TAFA4: variants seen among roughly 807,000 people sequenced by gnomAD.
TAFA4 encodes chemokine-like protein TAFA-4.
A neutral mutation model predicts 21.1 loss-of-function variants in TAFA4; 20 were observed. That is an observed-to-expected ratio of 0.95 (90% CI 0.67 to 1.38). TAFA4 has a LOEUF of 1.38. TAFA4 is among the 40% of genes most tolerant of loss of function. The pLI is 0.00. For synonymous variants in TAFA4, 71 were observed against 67.4 expected (o/e 1.05, Z -0.26); for missense variants, 211 against 180.9 (o/e 1.17, Z -0.95).
chr3:68,767,006 A>C (rs1324772428), intron 3 of TAFA4, among the ~76,000 whole-genome samples: 2 of 152,184 alleles, frequency 1.3e-5, no homozygotes, highest in South Asian at 4.1e-4. Context: ...ATAAAGCATG[A>C]GACTTAGCAA....
chr3:68,909,613 G>C (rs761853401), intron 1 of TAFA4, among the ~76,000 whole-genome samples: 3 of 152,172 alleles, frequency 2.0e-5, no homozygotes, highest in South Asian at 2.1e-4. Context: ...GAAGATCCAG[G>C]CTCCACCAAA....
At chr3:68,847,616 C>A (rs1223157096) in intron 3 of TAFA4, among the ~76,000 whole-genome samples, 1 of 152,210 alleles carries the variant, frequency 6.6e-6, no homozygotes, top group Non-Finnish European at 1.5e-5. Flanking sequence ...TGCTTGAAAC[C>A]CAGGGCCCTG....
At chr3:68,747,652 G>A (rs549582608) in intron 4 of TAFA4, among the ~76,000 whole-genome samples, 7 of 152,162 alleles carry the variant, frequency 4.6e-5, no homozygotes, top group Admixed American at 6.5e-5. Context: ...ATGCATGCTC[G>A]CACACACAAA....
intron 3 of TAFA4, among the ~76,000 whole-genome samples, chr3:68,780,730 C>T (rs985462212): frequency 3.3e-5 from 5 of 152,106 alleles, no homozygotes; most frequent in Non-Finnish European, 7.4e-5. Context: ...AGCATGAAAA[C>T]AGACTAATAC....
At chr3:68,930,757 T>C (rs982605718) in intron 1 of TAFA4, among the ~76,000 whole-genome samples, 1 of 152,218 alleles carries the variant, frequency 6.6e-6, no homozygotes, top group South Asian at 2.1e-4. Context: ...GAGGAAGTGT[T>C]GGGCTTTCAC....
At chr3:68,771,470 G>C (rs557225943) in intron 3 of TAFA4, among the ~76,000 whole-genome samples, 1 of 152,186 alleles carries the variant, frequency 6.6e-6, no homozygotes, top group Non-Finnish European at 1.5e-5. Context: ...TGAGCAGCGG[G>C]GCACTGAAAA....
intron 3 of TAFA4, among the ~76,000 whole-genome samples, chr3:68,775,583 G>C (rs1265394545): frequency 2.6e-5 from 4 of 152,138 alleles, no homozygotes; most frequent in Non-Finnish European, 5.9e-5. Context: ...CAAAGAGAGA[G>C]ACTTCTTCCA....
intron 3 of TAFA4, 138 bp from the exon 4 acceptor site, chr3:68,753,156 T>G: frequency 1.3e-6 from 1 of 772,230 alleles, no homozygotes; most frequent in Non-Finnish European, 2.0e-6. Flanking sequence ...TTTATTTTGA[T>G]AACATATTAT....
intron 3 of TAFA4, among the ~76,000 whole-genome samples, chr3:68,793,479 C>T (rs998937829): frequency 2.6e-5 from 4 of 152,242 alleles, no homozygotes; most frequent in South Asian, 2.1e-4. Context: ...TTTGGAAATC[C>T]AATTGCCGCT....
chr3:68,804,170 C>T (rs527977714), intron 3 of TAFA4, among the ~76,000 whole-genome samples: 2 of 152,234 alleles, frequency 1.3e-5, no homozygotes, highest in Admixed American at 6.5e-5. Context: ...GAATTCAATT[C>T]AACCCCTTAA....
chr3:68,878,157 C>A (rs1468490195), intron 3 of TAFA4, among the ~76,000 whole-genome samples: 1 of 152,134 alleles, frequency 6.6e-6, no homozygotes, highest in East Asian at 1.9e-4. Flanking sequence ...AGTCACCAAG[C>A]ACCACAGCAT....
At chr3:68,889,472 G>A (rs1431963988) in intron 1 of TAFA4, among the ~76,000 whole-genome samples, 2 of 152,110 alleles carry the variant, frequency 1.3e-5, no homozygotes, top group African/African-American at 2.4e-5. Context: ...TATTGGTGAG[G>A]TGAATTCCCT....
At chr3:68,839,379 T>C (rs1704600637) in intron 3 of TAFA4, among the ~76,000 whole-genome samples, 1 of 152,066 alleles carries the variant, frequency 6.6e-6, no homozygotes, top group African/African-American at 2.4e-5. Context: ...GGGAATAGTG[T>C]TAACACCATT....
chr3:68,873,321 C>G (rs1184810326), intron 3 of TAFA4, among the ~76,000 whole-genome samples: 1 of 133,670 alleles, frequency 7.5e-6, no homozygotes, highest in Non-Finnish European at 1.6e-5. Context: ...ACACAACAGA[C>G]AGACACACGC....
intron 1 of TAFA4, among the ~76,000 whole-genome samples, chr3:68,898,938 A>G (rs990845423): frequency 1.3e-5 from 2 of 151,592 alleles, no homozygotes; most frequent in Non-Finnish European, 2.9e-5. Context: ...CAAGAAGGGG[A>G]ATTGAAGTAG....
At chr3:68,760,019 G>A (rs1343230032) in intron 3 of TAFA4, among the ~76,000 whole-genome samples, 5 of 151,948 alleles carry the variant, frequency 3.3e-5, no homozygotes, top group South Asian at 2.1e-4. Flanking sequence ...ACTGTTACTC[G>A]ATTCCTTTCC....
chr3:68,851,956 C>G (rs1035970113), intron 3 of TAFA4, among the ~76,000 whole-genome samples: 1 of 152,024 alleles, frequency 6.6e-6, no homozygotes. Flanking sequence ...GTACAGATTC[C>G]TGGACTCCCA....
At chr3:68,768,929 G>A (rs1329570154) in intron 3 of TAFA4, among the ~76,000 whole-genome samples, 1 of 152,172 alleles carries the variant, frequency 6.6e-6, no homozygotes, top group Non-Finnish European at 1.5e-5. Context: ...CCAGAGCTAA[G>A]AATAGGAGAG....
At chr3:68,813,041 A>G (rs1703876964) in intron 3 of TAFA4, among the ~76,000 whole-genome samples, 1 of 152,164 alleles carries the variant, frequency 6.6e-6, no homozygotes, top group South Asian at 2.1e-4. Flanking sequence ...CCGCTCAACT[A>G]CATGGAAACT....
Sources: gnomAD v4.1 joint callset for allele counts (sites outside exome capture counted in the v4.1 genomes callset) on GRCh38, gnomAD v4.1.1 for gene constraint, MANE v1.5 for transcripts, NCBI Gene and HGNC (gene_info 2026-07-23, HGNC 2026-07-21) for gene names.